JMJD1C: variants seen among roughly 807,000 people sequenced by gnomAD.
JMJD1C encodes jumonji domain-containing protein 1C.
A neutral mutation model predicts 245.3 loss-of-function variants in JMJD1C; 31 were observed. That is an observed-to-expected ratio of 0.13 (90% CI 0.09 to 0.17). JMJD1C has a LOEUF of 0.17. JMJD1C is among the 10% of genes least tolerant of loss of function. JMJD1C has a pLI of 1.00. For synonymous variants in JMJD1C, 1,057 were observed against 1,017.4 expected, an observed-to-expected ratio of 1.04 and a Z score of -0.74; for missense variants, 2,691 against 3,000.2, an observed-to-expected ratio of 0.90 and a Z score of 2.41.
chr10:63,317,778 C>T (rs1168184428), intron 2 of JMJD1C, among the ~76,000 whole-genome samples: 1 of 152,178 alleles, frequency 6.6e-6, no homozygotes, highest in Non-Finnish European at 1.5e-5. Flanking sequence ...CCGTCGCCCC[C>T]CATCCCATCT....
In JMJD1C at chr10:63,507,644, C is replaced by CA. The variant is rs34738955; in HGVS notation, n.113+14093dup. ...TGGGCAACAGAGTAAGACTCTGTCT[C>CA]AAAAAAAAAAAAAAAAAAACAGTGG... On this transcript the variant is annotated intron_variant and non_coding_transcript_variant, in intron 1 of 3. Coordinates refer to the JMJD1C transcript ENST00000633035. Among the ~76,000 whole-genome samples the CA allele has an allele frequency of 6.9e-3, 403 of 58,768 alleles. 44 individuals are homozygous for CA. Among genetic ancestry groups the CA allele is most frequent in the African/African-American group, 0.033 (339 of 10,334 alleles). The allele number at this position is 58,768 out of a possible 152,430, so 38.6% of individuals were successfully genotyped here. A position where few individuals can be genotyped will look rare whatever the true frequency, so the allele number is the denominator to read the frequency against.
chr10:63,221,852 G>C (rs1483109280), intron 3 of JMJD1C, among the ~76,000 whole-genome samples: 2 of 152,198 alleles, frequency 1.3e-5, no homozygotes, highest in Non-Finnish European at 2.9e-5. Flanking sequence ...CTCCTGAGTA[G>C]CTGGGGTTAC....
At chr10:63,363,647 C>T (rs1051438604) in intron 2 of JMJD1C, among the ~76,000 whole-genome samples, 26 of 152,074 alleles carry the variant, frequency 1.7e-4, no homozygotes, top group African/African-American at 6.3e-4. Context: ...TTGAACCTTT[C>T]TAAAATCTGC....
At chr10:63,508,237 A>G (rs189397874) in intron 1 of JMJD1C, among the ~76,000 whole-genome samples, 2 of 152,144 alleles carry the variant, frequency 1.3e-5, no homozygotes, top group South Asian at 2.1e-4. Flanking sequence ...TGAAAATATT[A>G]TATCTTTTTT....
intron 2 of JMJD1C, among the ~76,000 whole-genome samples, chr10:63,375,325 T>G (rs2134458647): frequency 6.6e-6 from 1 of 151,666 alleles, no homozygotes; most frequent in Middle Eastern, 3.4e-3. Context: ...TAGCTAGGAC[T>G]ACAGGCTCAC....
intron 3 of JMJD1C, among the ~76,000 whole-genome samples, chr10:63,250,387 C>A (rs1373905690): frequency 1.3e-5 from 2 of 152,020 alleles, no homozygotes; most frequent in Admixed American, 1.3e-4. Context: ...GGAAAAGATA[C>A]CTTGGAAGTG....
intron 2 of JMJD1C, among the ~76,000 whole-genome samples, chr10:63,372,715 A>G (rs773170889): frequency 1.3e-5 from 2 of 152,248 alleles, no homozygotes; most frequent in Non-Finnish European, 2.9e-5. Context: ...GGAACCATAC[A>G]TAGATGACTA....
At chr10:63,374,522 T>G (rs35693916) in intron 2 of JMJD1C, among the ~76,000 whole-genome samples, 30,664 of 152,132 alleles carry the variant, frequency 0.2, 4,053 homozygotes, top group Non-Finnish European at 0.29. Flanking sequence ...TTTACACAAT[T>G]TGTGAAGAGT....
At chr10:63,231,381 A>G (rs1484737470) in intron 3 of JMJD1C, among the ~76,000 whole-genome samples, 1 of 152,236 alleles carries the variant, frequency 6.6e-6, no homozygotes, top group East Asian at 1.9e-4. Context: ...GGTGGCCTTA[A>G]GAATTTCCTG....
At chr10:63,427,840 G>A in intron 1 of JMJD1C, 5 of 956,682 alleles carry the variant, frequency 5.2e-6, no homozygotes, top group Non-Finnish European at 8.5e-6. Context: ...TGTTGAGACA[G>A]CCAAGGAAGC....
In JMJD1C at chr10:63,497,138, CT is replaced by C. The variant is rs1210960603; in HGVS notation, n.113+24599del. ...TTTTTCCAAAAGTAGCACCCAACTT[CT>C]TTTCCTTTAGAACTTGATTAATCTT... is the stretch of plus-strand genomic sequence containing the variant. On this transcript the variant is annotated intron_variant and non_coding_transcript_variant, in intron 1 of 3. Transcript: ENST00000633035. Among the ~76,000 whole-genome samples the C allele has an allele frequency of 2.6e-5, 4 of 152,070 alleles. No individual in the cohort carries two copies. The East Asian group carries it at 7.7e-4, about 29-fold the overall frequency.
intron 2 of JMJD1C, among the ~76,000 whole-genome samples, chr10:63,375,935 A>C (rs1003148478): frequency 6.6e-6 from 1 of 152,118 alleles, no homozygotes; most frequent in Non-Finnish European, 1.5e-5. Flanking sequence ...AAAAAGAAAA[A>C]TCTCTCCTGA....
chr10:63,405,543 A>C (rs1380571726), intron 1 of JMJD1C, among the ~76,000 whole-genome samples: 1 of 152,022 alleles, frequency 6.6e-6, no homozygotes, highest in African/African-American at 2.4e-5. Flanking sequence ...GGCTGGTCTC[A>C]AACTTCTGGG....
At chr10:63,264,529 G>A (rs1015092105) in intron 3 of JMJD1C, 122 bp downstream of exon 3, 4 of 554,346 alleles carry the variant, frequency 7.2e-6, no homozygotes, top group Non-Finnish European at 1.3e-5. Context: ...GCATTCATTG[G>A]GTTTTTCACA....
intron 1 of JMJD1C, among the ~76,000 whole-genome samples, chr10:63,478,906 C>T (rs2133178202): frequency 6.6e-6 from 1 of 152,276 alleles, no homozygotes; most frequent in South Asian, 2.1e-4. Flanking sequence ...TTCAAGGTTA[C>T]AGCGAGCTAT....
intron 5 of JMJD1C, among the ~76,000 whole-genome samples, chr10:63,216,093 A>T (rs1847947154): frequency 6.6e-6 from 1 of 152,230 alleles, no homozygotes; most frequent in Non-Finnish European, 1.5e-5. Context: ...TGTGCAAATG[A>T]ATAATTTTAA....
At chr10:63,217,381 T>A in intron 4 of JMJD1C, 50 bp from the exon 5 acceptor site, 1 of 1,428,158 alleles carries the variant, frequency 7.0e-7, no homozygotes, top group Middle Eastern at 1.8e-4. Context: ...GACATCTTCA[T>A]TTAATAACTG....
chr10:63,305,460 CT>C (rs1462051506), intron 2 of JMJD1C, among the ~76,000 whole-genome samples: 5 of 3,430 alleles, frequency 1.5e-3, no homozygotes, highest in Admixed American at 6.8e-3. Flanking sequence ...CGCTCTGACC[CT>C]CTCTCTCTCT....
At chr10:63,521,642 G>A in intron 1 of JMJD1C, 1 of 1,227,450 alleles carries the variant, frequency 8.1e-7, no homozygotes, top group Non-Finnish European at 1.1e-6. Context: ...GAAGGGGAAG[G>A]AGCCGAGAGG....
Sources: gnomAD v4.1 joint callset for allele counts (sites outside exome capture counted in the v4.1 genomes callset) on GRCh38, gnomAD v4.1.1 for gene constraint, MANE v1.5 for transcripts, NCBI Gene and HGNC (gene_info 2026-07-23, HGNC 2026-07-21) for gene names.